Variants in MAGI2 observed in about 807,000 individuals in gnomAD.
MAGI2 encodes membrane-associated guanylate kinase, WW and PDZ domain-containing protein 2.
Under a neutral mutation model 133.3 loss-of-function variants are expected in MAGI2, and 35 were observed. The ratio of observed to expected loss-of-function variants is 0.26; its 90% CI spans 0.20 to 0.35. MAGI2 has a LOEUF of 0.35. Ranked by LOEUF, MAGI2 falls within the 10% of genes least tolerant of loss-of-function variation. MAGI2 has a pLI of 1.00. For synonymous variants in MAGI2, 729 were observed against 710.6 expected (o/e 1.03, Z -0.41); for missense variants, 1,636 against 1,863.4 (o/e 0.88, Z 2.25).
intron 1 of MAGI2, among the ~76,000 whole-genome samples, chr7:79,286,439 C>T (rs917124137): frequency 1.3e-5 from 2 of 151,992 alleles, no homozygotes; most frequent in Non-Finnish European, 2.9e-5. Context: ...AGGTAAATCA[C>T]ACTCCACGGC....
chr7:79,363,675 A>C (rs560488422), intron 1 of MAGI2, among the ~76,000 whole-genome samples: 2 of 144,312 alleles, frequency 1.4e-5, no homozygotes, highest in South Asian at 4.5e-4. Context: ...CTCCAAAAGT[A>C]CTGGCACAAA....
intron 5 of MAGI2, among the ~76,000 whole-genome samples, chr7:78,492,930 C>G (rs1045089055): frequency 2.6e-5 from 4 of 152,142 alleles, no homozygotes; most frequent in African/African-American, 9.7e-5. Flanking sequence ...TATACTACTT[C>G]ATGTATTTTT....
chr7:78,080,598 A>G (rs1815848767), intron 20 of MAGI2, among the ~76,000 whole-genome samples: 1 of 152,142 alleles, frequency 6.6e-6, no homozygotes, highest in African/African-American at 2.4e-5. Context: ...TAGCAGTTCC[A>G]ATGAAGTTAC....
chr7:78,640,695 G>A (rs946548115), intron 2 of MAGI2, among the ~76,000 whole-genome samples: 6 of 152,218 alleles, frequency 3.9e-5, no homozygotes, highest in South Asian at 2.1e-4. Flanking sequence ...ACTGGCTGGA[G>A]AGTTCATACC....
intron 2 of MAGI2, among the ~76,000 whole-genome samples, chr7:78,647,992 G>A (rs113969794): frequency 0.047 from 7,169 of 152,234 alleles, 252 homozygotes; most frequent in East Asian, 0.16. Context: ...TCCAGGGCCT[G>A]TTGCAGGGTG....
At chr7:79,304,203 C>CTGTGTGTGTGTGTGTGTGTGTG (rs1184824177) in intron 1 of MAGI2, among the ~76,000 whole-genome samples, 1 of 135,426 alleles carries the variant, frequency 7.4e-6, no homozygotes, top group African/African-American at 2.8e-5. Flanking sequence ...GTGTGTGTGT[C>CTGTGTGTGTGTGTGTGTGTGTG]TGTGTGTGTG....
intron 2 of MAGI2, among the ~76,000 whole-genome samples, chr7:78,763,094 A>C (rs1378883414): frequency 3.9e-5 from 6 of 152,208 alleles, no homozygotes; most frequent in Non-Finnish European, 8.8e-5. Context: ...GGTCATGGTT[A>C]AATGTGTTCT....
intron 21 of MAGI2, among the ~76,000 whole-genome samples, chr7:78,027,696 A>G (rs1190648188): frequency 1.3e-5 from 2 of 152,080 alleles, no homozygotes; most frequent in African/African-American, 4.8e-5. Context: ...ATAAAATTGG[A>G]TTTCTTAAGG....
chr7:78,148,037 A>G (rs1242492520), intron 16 of MAGI2, among the ~76,000 whole-genome samples: 1 of 152,184 alleles, frequency 6.6e-6, no homozygotes, highest in Non-Finnish European at 1.5e-5. Flanking sequence ...ACACCTAGAT[A>G]TTTACCAAGT....
At chr7:78,074,294 T>G (rs975502309) in intron 21 of MAGI2, among the ~76,000 whole-genome samples, 4 of 152,244 alleles carry the variant, frequency 2.6e-5, no homozygotes, top group Non-Finnish European at 5.9e-5. Flanking sequence ...TTTGGTATTT[T>G]TTCAATTGTA....
intron 3 of MAGI2, among the ~76,000 whole-genome samples, chr7:78,591,346 C>T (rs1046205715): frequency 1.7e-4 from 26 of 152,196 alleles, no homozygotes; most frequent in African/African-American, 6.0e-4. Flanking sequence ...GGTTAGAGAT[C>T]TCATTAAAAT....
intron 20 of MAGI2, among the ~76,000 whole-genome samples, chr7:78,101,965 T>A (rs1453526005): frequency 3.3e-5 from 5 of 152,190 alleles, no homozygotes; most frequent in Non-Finnish European, 7.3e-5. Context: ...AACCTAAGTA[T>A]ACATCAACAG....
intron 2 of MAGI2, among the ~76,000 whole-genome samples, chr7:78,908,023 AGAT>A: frequency 6.6e-6 from 1 of 152,214 alleles, no homozygotes; most frequent in East Asian, 1.9e-4. Flanking sequence ...GGAGGAGAGG[AGAT>A]GATGTCCTAC....
intron 10 of MAGI2, among the ~76,000 whole-genome samples, chr7:78,234,261 C>A (rs898954724): frequency 2.0e-5 from 3 of 152,104 alleles, no homozygotes; most frequent in African/African-American, 4.8e-5. Context: ...GCAACATTTT[C>A]CAATCTACTA....
chr7:79,047,107 G>A (rs920090426), intron 1 of MAGI2, among the ~76,000 whole-genome samples: 17 of 152,068 alleles, frequency 1.1e-4, no homozygotes, highest in Admixed American at 5.2e-4. Context: ...AAATTATGAT[G>A]AGGCTATTTT....
chr7:78,668,877 A>T (rs943632081), intron 2 of MAGI2, among the ~76,000 whole-genome samples: 3 of 151,768 alleles, frequency 2.0e-5, no homozygotes, highest in African/African-American at 7.3e-5. Context: ...ACCAATGAGA[A>T]CAAAGACACA....
intron 2 of MAGI2, among the ~76,000 whole-genome samples, chr7:78,741,426 C>CAA: frequency 9.1e-6 from 1 of 109,934 alleles, no homozygotes; most frequent in Non-Finnish European, 1.8e-5. Context: ...CACACACACA[C>CAA]ACGGGAGGGG....
chr7:78,657,740 G>T (rs970205976), intron 2 of MAGI2, among the ~76,000 whole-genome samples: 26 of 152,248 alleles, frequency 1.7e-4, no homozygotes, highest in Middle Eastern at 3.4e-3. Flanking sequence ...TGAATACGTG[G>T]TTACTATACA....
chr7:79,151,055 A>T (rs929648350), intron 1 of MAGI2, among the ~76,000 whole-genome samples: 3 of 151,968 alleles, frequency 2.0e-5, no homozygotes, highest in Admixed American at 6.6e-5. Context: ...CAGACTTTTT[A>T]AAAAAACATG....
Sources: gnomAD v4.1 joint callset for allele counts (sites outside exome capture counted in the v4.1 genomes callset) on GRCh38, gnomAD v4.1.1 for gene constraint, MANE v1.5 for transcripts, NCBI Gene and HGNC (gene_info 2026-07-23, HGNC 2026-07-21) for gene names.